The following SBF1 variants were observed in gnomAD, a reference collection of about 807,000 sequenced individuals.
SBF1 encodes SET binding factor 1, also known as myotubularin-related protein 5.
Under a neutral mutation model 215.8 loss-of-function variants are expected in SBF1, and 65 were observed. The ratio of observed to expected loss-of-function variants is 0.30; its 90% confidence interval spans 0.25 to 0.37. SBF1 has a LOEUF of 0.37. SBF1 is among the 10% of genes least tolerant of loss of function. The pLI is 1.00. For synonymous variants in SBF1, 1,410 were observed against 1,122.8 expected, an observed-to-expected ratio of 1.26 and a Z score of -5.11; for missense variants, 2,634 against 2,667.8, an observed-to-expected ratio of 0.99 and a Z score of 0.28.
intron 1 of SBF1, among the ~76,000 whole-genome samples, chr22:50,474,155 G>C (rs1056755302): frequency 6.6e-6 from 1 of 152,202 alleles, no homozygotes; most frequent in Non-Finnish European, 1.5e-5. Context: ...CCAGGGCTTG[G>C]CGTGCAGGGC....
rs912614588 is a variant in SBF1 at position 50,446,984 on chromosome 22, G to C, written c.*158C>G. On this transcript the variant is annotated 3_prime_UTR_variant, in exon 41 of 41. Transcript: ENST00000380817. The stretch of plus-strand genomic sequence containing the variant: ...CAAAATAAGTTAGGGCCGGCCGGGC[G>C]GGGCGGGGCGGGGACGGGGGCTGTA... 11 of 730,772 alleles carry C rather than the reference G, an allele frequency of 1.5e-5. No homozygotes were observed. The highest frequency in any genetic ancestry group is 1.2e-4 in the African/African-American group (7 of 57,466). 45.3% of individuals were successfully genotyped at this position (730,772 alleles called of 1,614,324 possible).
At chr22:50,474,498 G>A (rs1210874452) in intron 1 of SBF1, among the ~76,000 whole-genome samples, 1 of 152,152 alleles carries the variant, frequency 6.6e-6, no homozygotes, top group East Asian at 1.9e-4. Context: ...CGGCCACGCC[G>A]CCCCCAGCGG....
At chr22:50,455,926 C>T in intron 31 of SBF1, 1 of 562,028 alleles carries the variant, frequency 1.8e-6, no homozygotes, top group Non-Finnish European at 3.2e-6. Context: ...AGCAGGGGCC[C>T]AGAACCATAA....
At chr22:50,457,416 G>T in intron 28 of SBF1, 1 of 343,772 alleles carries the variant, frequency 2.9e-6, no homozygotes, top group Non-Finnish European at 5.3e-6. Context: ...GTCTGTCTCT[G>T]AGTCCCTCCC....
In SBF1 at chr22:50,456,624, G is replaced by C; in HGVS notation, c.3954C>G (p.Thr1318=). Residue 1318 remains threonine, a synonymous_variant, in exon 30 of 41, where the codon ACC becomes ACG. Coordinates refer to ENST00000380817, the MANE Select transcript of SBF1 (RefSeq NM_002972.4). ...RTSGRSSGLG[T]DVGSRLAGRD... ...TGCCAGCTAGCCGGGAGCCCACATC[G>C]GTGCCAAGGCCACTGCTGCGTCCAC... 6.6e-7 allele frequency: 1 copy of C among 1,517,034 alleles called. No homozygotes were observed. Among genetic ancestry groups the C allele is most frequent in the South Asian group, 1.3e-5 (1 of 75,076 alleles). The allele number at this position is 1,517,034 out of a possible 1,614,324, so 94.0% of individuals were successfully genotyped here.
At chr22:50,466,798 G>A (rs549719639) in intron 5 of SBF1, 88 bp from the exon 6 acceptor site, 3 of 938,660 alleles carry the variant, frequency 3.2e-6, no homozygotes, top group African/African-American at 1.7e-5. Context: ...GGCAGACCCT[G>A]GTGTACTGAC....
At chr22:50,455,169 G>C in intron 33 of SBF1, 27 bp from the exon 34 acceptor site, 2 of 1,613,954 alleles carry the variant, frequency 1.2e-6, no homozygotes, top group Non-Finnish European at 1.7e-6. Flanking sequence ...TCAGGGGCCA[G>C]GGCTCAGCGG....
chr22:50,467,218 G>A lies in SBF1; in HGVS notation c.549+120C>T, dbSNP rs965987483. 1.8e-5 allele frequency: 14 copies of A among 779,740 alleles called. No homozygotes were observed. The Admixed American group carries it at 2.4e-4, about 13-fold the overall frequency. 48.3% of individuals were successfully genotyped at this position (779,740 alleles called of 1,614,324 possible). ...TTGGGGGCAATGGTGGCACGAGGAC[G>A]CAAGAGGGAGCATCCAAGGCCTCCA... is the stretch of plus-strand genomic sequence containing the variant. On this transcript the variant is annotated intron_variant, in intron 5 of 40. Transcript: ENST00000380817.
intron 1 of SBF1, 82 bp downstream of exon 1, chr22:50,474,704 C>A: frequency 1.6e-6 from 2 of 1,215,644 alleles, no homozygotes; most frequent in Non-Finnish European, 2.2e-6. Context: ...CAGCCCCCGG[C>A]CCTCGACCCT....
At chr22:50,464,187 T>A in intron 15 of SBF1, 142 bp downstream of exon 15, 3 of 665,000 alleles carry the variant, frequency 4.5e-6, no homozygotes, top group African/African-American at 1.8e-5. Context: ...CCACCTACCC[T>A]CCGGCCAGCC....
At position 50,461,296 on chromosome 22, in the gene SBF1, G is replaced by A. The variant is rs749569797; in HGVS notation, c.2840-10C>T. The A allele has an allele frequency of 1.4e-5, 23 of 1,590,400 alleles. No homozygotes were observed. The highest frequency in any genetic ancestry group is 1.9e-5 in the Non-Finnish European group (22 of 1,167,104). On this transcript the variant is annotated splice_polypyrimidine_tract_variant and intron_variant, in intron 22 of 40. Coordinates refer to ENST00000380817, the MANE Select transcript of SBF1 (RefSeq NM_002972.4). ...ACCACCTGCTCCCCAACTTAGGACA[G>A]GCCAGGCAGAGTCAGAAGCAAGGAA... is the stretch of plus-strand genomic sequence containing the variant.
rs766585033 is a variant in SBF1 at position 50,448,364 on chromosome 22, C to T, written c.5232G>A (p.Val1744=). Residue 1744 remains valine, a synonymous_variant, in exon 38 of 41, where the codon GTG becomes GTA. Transcript: ENST00000380817. ...CCAGGCTGAGGCTCAGGGTGGAGCC[C>T]ACGGGCCCCTCCTGCAGGTACACAC... The part of the protein sequence containing the change: ...SLGVYLQEGP[V]GSTLSLSLDS... The T allele has an allele frequency of 2.7e-5, 44 of 1,613,906 alleles. No individual in the cohort carries two copies. The highest frequency in any genetic ancestry group is 3.4e-5 in the Non-Finnish European group (40 of 1,180,040).
rs199652098 is a variant in SBF1 at position 50,460,171 on chromosome 22, G to A, written c.3284-12C>T. On this transcript the variant is annotated splice_polypyrimidine_tract_variant and intron_variant, in intron 25 of 40. Coordinates refer to ENST00000380817, the MANE Select transcript of SBF1 (RefSeq NM_002972.4). Reference sequence around the variant, plus strand: ...CAGCTCCTCCGACACTGCACAGGCCGGGCACACGTGGTCATCACGGGGCCA... The same window carrying A: ...CAGCTCCTCCGACACTGCACAGGCCAGGCACACGTGGTCATCACGGGGCCA... The A allele has an allele frequency of 1.8e-4, 287 of 1,609,440 alleles. No homozygotes were observed. Among genetic ancestry groups the A allele is most frequent in the Admixed American group, 1.7e-4 (10 of 59,970 alleles).
At chr22:50,465,939 G>A (rs749976974) in intron 9 of SBF1, 22 bp downstream of exon 9, 34 of 1,611,374 alleles carry the variant, frequency 2.1e-5, no homozygotes, top group East Asian at 2.2e-5. Context: ...CAAGGCTCCC[G>A]CTTGCCCATG....
rs147764443 is a variant in SBF1 at position 50,470,853 on chromosome 22, G to T, written c.56-2392C>A. 5.0e-3 allele frequency among the ~76,000 whole-genome samples: 756 copies of T among 152,354 alleles called. 4 individuals carry two copies. Among genetic ancestry groups the T allele is most frequent in the African/African-American group, 0.018 (734 of 41,576 alleles). The stretch of plus-strand genomic sequence containing the variant: ...AACACAGCTGGCCCCTGGAAAGGCA[G>T]GCCATGGAGGGCCCTGCAGCCCTCA... On this transcript the variant is annotated intron_variant, in intron 1 of 40. Coordinates refer to ENST00000380817, the MANE Select transcript of SBF1 (RefSeq NM_002972.4).
Position 50,448,412 on chromosome 22 carries a change from TGC to T in SBF1, c.5182_5183del (p.Ala1728ThrfsTer30). On this transcript the variant is annotated frameshift_variant, in exon 38 of 41. Transcript: ENST00000380817. LOFTEE classifies it high-confidence loss of function. ...GTPSSLLVST[A>X]PHHRRSLGVY... The stretch of plus-strand genomic sequence containing the variant: ...CACCCAGCGAGCGACGGTGGTGGGG[TGC>T]GGTGGACACAAGGAGGGAGCTAGGG... 1 of 1,613,680 alleles carries T rather than the reference TGC, an allele frequency of 6.2e-7. No homozygotes were observed. The highest frequency in any genetic ancestry group is 2.2e-5 in the East Asian group (1 of 44,860).
In SBF1 at chr22:50,461,845, G is replaced by A; in HGVS notation, c.2594C>T (p.Thr865Ile). Residue 865 changes from threonine to isoleucine, a missense_variant, in exon 21 of 41, where the codon ACC becomes ATC. Thr to Ile is a moderately conservative substitution (Grantham distance 89). Coordinates refer to ENST00000380817, the MANE Select transcript of SBF1 (RefSeq NM_002972.4). ...VPDIVQMHIE[T>I]LEAVQRESRR... ...GCTCTCCCGCTGCACGGCCTCCAGG[G>A]TCTCGATGTGCATCTGGACAATGTC... The A allele has an allele frequency of 6.2e-7, 1 of 1,613,858 alleles. No individual in the cohort carries two copies.
Position 50,461,287 on chromosome 22 carries a change from C to G in SBF1, c.2840-1G>C. ...GAGCGGACCACCACCTGCTCCCCAACTTAGGACAGGCCAGGCAGAGTCAGA... is the reference window on the plus strand; with the variant it reads ...GAGCGGACCACCACCTGCTCCCCAAGTTAGGACAGGCCAGGCAGAGTCAGA... On this transcript the variant is annotated splice_acceptor_variant, in intron 22 of 40. Transcript: ENST00000380817. LOFTEE classifies it high-confidence loss of function. 1 of 1,606,546 alleles carries G rather than the reference C, an allele frequency of 6.2e-7. No homozygotes were observed. Among genetic ancestry groups the G allele is most frequent in the South Asian group, 1.1e-5 (1 of 90,578 alleles).
intron 9 of SBF1, 29 bp from the exon 10 acceptor site, chr22:50,465,869 G>A: frequency 6.2e-7 from 1 of 1,612,278 alleles, no homozygotes; most frequent in Non-Finnish European, 8.5e-7. Flanking sequence ...GCAGGCAGCT[G>A]CACGCTGGCC....
Sources: gnomAD v4.1 joint callset for allele counts (sites outside exome capture counted in the v4.1 genomes callset) on GRCh38, gnomAD v4.1.1 for gene constraint, MANE v1.5 for transcripts, NCBI Gene and HGNC (gene_info 2026-07-23, HGNC 2026-07-21) for gene names.